Variants in CUX1 observed in about 807,000 individuals in gnomAD.
CUX1 encodes protein CASP.
In CUX1, 31 loss-of-function variants were observed where a neutral mutation model predicts 158.8. That is an observed-to-expected ratio of 0.20 (90% CI 0.15 to 0.26). The LOEUF is 0.26. Among genes scored for constraint, CUX1 ranks in the 10% least tolerant of loss-of-function variants. CUX1 has a pLI of 1.00. For missense variants in CUX1, 1,589 were observed against 2,014.6 expected, an observed-to-expected ratio of 0.79 and a Z score of 4.04; for synonymous variants, 879 against 862.1, an observed-to-expected ratio of 1.02 and a Z score of -0.34.
chr7:101,883,992 C>G (rs1799978032), intron 1 of CUX1, among the ~76,000 whole-genome samples: 1 of 152,114 alleles, frequency 6.6e-6, no homozygotes, highest in Admixed American at 6.6e-5. Context: ...CTTTTGGGCT[C>G]AGGTGATCCT....
chr7:102,094,087 C>T (rs782483531), intron 4 of CUX1, among the ~76,000 whole-genome samples: 1 of 152,158 alleles, frequency 6.6e-6, no homozygotes, highest in Non-Finnish European at 1.5e-5. Context: ...TTTGGCACGC[C>T]AAAATTCATT....
intron 20 of CUX1, among the ~76,000 whole-genome samples, chr7:102,217,225 C>T (rs1797319407): frequency 6.6e-6 from 1 of 152,208 alleles, no homozygotes; most frequent in African/African-American, 2.4e-5. Flanking sequence ...CTACCAAAAT[C>T]GAATTGTAAT....
chr7:101,951,710 T>TGTTA (rs1190881511), intron 2 of CUX1, among the ~76,000 whole-genome samples: 23 of 152,250 alleles, frequency 1.5e-4, no homozygotes, highest in African/African-American at 5.5e-4. Flanking sequence ...GGTTTCACCG[T>TGTTA]GTTAGCCAGG....
intron 2 of CUX1, among the ~76,000 whole-genome samples, chr7:101,995,514 C>T (rs578154431): frequency 5.9e-5 from 9 of 152,354 alleles, no homozygotes; most frequent in South Asian, 4.1e-4. Flanking sequence ...GGGCCATTTA[C>T]AGTAAACATG....
At chr7:102,152,631 A>C (rs1483343815) in intron 8 of CUX1, among the ~76,000 whole-genome samples, 1 of 152,194 alleles carries the variant, frequency 6.6e-6, no homozygotes, top group Non-Finnish European at 1.5e-5. Context: ...ACCTCAGGTG[A>C]TCCACCTGCC....
At chr7:101,883,530 G>T (rs1421071802) in intron 1 of CUX1, among the ~76,000 whole-genome samples, 1 of 152,000 alleles carries the variant, frequency 6.6e-6, no homozygotes, top group Non-Finnish European at 1.5e-5. Context: ...CAGGAACGAA[G>T]TCCCTGGCCA....
chr7:101,958,844 CTT>C (rs10667965), intron 2 of CUX1, among the ~76,000 whole-genome samples: 186 of 65,804 alleles, frequency 2.8e-3, no homozygotes, highest in African/African-American at 0.01. Flanking sequence ...AGATGATGCC[CTT>C]TTTTTTTTTT....
intron 1 of CUX1, among the ~76,000 whole-genome samples, chr7:101,894,558 C>T (rs907793442): frequency 6.6e-6 from 1 of 152,062 alleles, no homozygotes; most frequent in African/African-American, 2.4e-5. Flanking sequence ...GTGATCCACC[C>T]GCCTCGGCCT....
At chr7:101,902,575 A>C (rs1182358713) in intron 1 of CUX1, among the ~76,000 whole-genome samples, 1 of 152,246 alleles carries the variant, frequency 6.6e-6, no homozygotes, top group Non-Finnish European at 1.5e-5. Context: ...TCATTTCATT[A>C]GTTGGTCCCT....
chr7:101,996,096 G>A (rs1162169393), intron 2 of CUX1, among the ~76,000 whole-genome samples: 4 of 151,100 alleles, frequency 2.6e-5, no homozygotes, highest in African/African-American at 9.7e-5. Context: ...GGGCAACAAA[G>A]AGCAAAACTC....
intron 14 of CUX1, among the ~76,000 whole-genome samples, chr7:102,267,109 G>A (rs1554545247): frequency 6.6e-6 from 1 of 152,092 alleles, no homozygotes; most frequent in Non-Finnish European, 1.5e-5. Flanking sequence ...GAGGCTACCT[G>A]CAGGATCTAC....
chr7:101,903,589 A>C (rs1802401559), intron 1 of CUX1, among the ~76,000 whole-genome samples: 1 of 152,238 alleles, frequency 6.6e-6, no homozygotes, highest in Non-Finnish European at 1.5e-5. Flanking sequence ...TGAGTAATCC[A>C]TAAAGCAGAG....
At chr7:101,886,888 G>A (rs971566518) in intron 1 of CUX1, among the ~76,000 whole-genome samples, 1 of 152,156 alleles carries the variant, frequency 6.6e-6, no homozygotes, top group Non-Finnish European at 1.5e-5. Flanking sequence ...TAAATGGGAG[G>A]CTTGCTGAAG....
chr7:102,060,556 T>A (rs1824687288), intron 3 of CUX1, among the ~76,000 whole-genome samples: 1 of 151,382 alleles, frequency 6.6e-6, no homozygotes. Flanking sequence ...GGCTTCAGTA[T>A]ATATATACAC....
chr7:102,274,424 C>CGTGGGGG, intron 16 of CUX1: 1 of 859,940 alleles, frequency 1.2e-6, no homozygotes, highest in Non-Finnish European at 1.8e-6. Flanking sequence ...GAAGGTCAGG[C>CGTGGGGG]CCCCACGCCT....
intron 7 of CUX1, among the ~76,000 whole-genome samples, chr7:102,113,612 C>T (rs1831158529): frequency 6.6e-6 from 1 of 152,032 alleles, no homozygotes; most frequent in African/African-American, 2.4e-5. Flanking sequence ...GGTTGGAGAG[C>T]AGTGATACAA....
At chr7:101,944,092 G>A (rs1055763144) in intron 2 of CUX1, among the ~76,000 whole-genome samples, 1 of 152,152 alleles carries the variant, frequency 6.6e-6, no homozygotes, top group Non-Finnish European at 1.5e-5. Flanking sequence ...CATCCCAGGT[G>A]TGAGTGACTC....
rs782646049 is a variant in CUX1, at chr7:102,082,355, C to T, written c.268+11938C>T. Among the ~76,000 whole-genome samples, 11 of 146,178 alleles carry T rather than the reference C, an allele frequency of 7.5e-5. 2 individuals carry two copies. The highest frequency in any genetic ancestry group is 1.7e-4 in the Non-Finnish European group (11 of 64,682). ...CAGCCTGGCCAACATGGTGAAACCCCGTCTCTACTAAAAATACAAAAATTA... is the reference window on the plus strand; with the variant it reads ...CAGCCTGGCCAACATGGTGAAACCCTGTCTCTACTAAAAATACAAAAATTA... On this transcript the variant is annotated intron_variant, in intron 4 of 23. Coordinates refer to ENST00000292535, the MANE Select transcript of CUX1 (RefSeq NM_181552.4).
intron 2 of CUX1, among the ~76,000 whole-genome samples, chr7:101,962,581 G>A (rs538732407): frequency 4.6e-5 from 7 of 152,294 alleles, no homozygotes; most frequent in East Asian, 1.9e-4. Context: ...TGCCCCTGTC[G>A]TGTCTGAAAG....
Sources: allele counts gnomAD v4.1 joint callset (sites outside exome capture counted in the v4.1 genomes callset), GRCh38; gene constraint gnomAD v4.1.1; transcripts MANE v1.5; gene names NCBI Gene and HGNC (gene_info 2026-07-23, HGNC 2026-07-21).